Variants in VWF observed in about 807,000 individuals in gnomAD.
VWF encodes the protein von Willebrand factor.
In VWF, 176 loss-of-function variants were observed where a neutral mutation model predicts 308.6. The observed-to-expected ratio is 0.57, with a 90% CI of 0.50 to 0.65. VWF has a LOEUF of 0.65. Among genes scored for constraint, VWF ranks in the 30% least tolerant of loss-of-function variants. The probability of loss-of-function intolerance (pLI) is 0.00; values close to 1 mark genes in which losing one functional copy is unlikely to be tolerated. For missense variants in VWF, 3,146 were observed against 3,648.2 expected, an observed-to-expected ratio of 0.86 and a Z score of 3.55; for synonymous variants, 1,385 against 1,443.4, an observed-to-expected ratio of 0.96 and a Z score of 0.92.
rs1234672126 is a variant in VWF at position 5,970,020 on chromosome 12, G to A, written c.7549-629C>T. Among the ~76,000 whole-genome samples the A allele has an allele frequency of 2.0e-5, 3 of 152,196 alleles. No individual in the cohort carries two copies. The East Asian group carries it at 5.8e-4, about 29-fold the overall frequency. The stretch of plus-strand genomic sequence containing the variant: ...CCAGATATGTAACTAGGTGCCCTCT[G>A]CCGCCATCTCAGGCCCTGACCTACT... On this transcript the variant is annotated intron_variant, in intron 44 of 51. Coordinates refer to ENST00000261405, the MANE Select transcript of VWF (RefSeq NM_000552.5).
At chr12:6,033,388 G>A (rs185546117) in intron 20 of VWF, among the ~76,000 whole-genome samples, 23 of 152,356 alleles carry the variant, frequency 1.5e-4, no homozygotes, top group Admixed American at 1.4e-3. Context: ...CTTTAAAACT[G>A]GTCCACTTGG....
At chr12:6,103,504 GTATA>G (rs200273814) in intron 5 of VWF, among the ~76,000 whole-genome samples, 1 of 103,868 alleles carries the variant, frequency 9.6e-6, no homozygotes, top group African/African-American at 6.4e-5. Flanking sequence ...ATACACACAC[GTATA>G]TATATACACA....
intron 49 of VWF, 199 bp downstream of exon 49, chr12:5,952,192 T>C: frequency 1.3e-6 from 1 of 796,464 alleles, no homozygotes. Flanking sequence ...AAGGAAAATA[T>C]TTTTTTAAAA....
At chr12:5,968,008 G>C in intron 46 of VWF, 119 bp downstream of exon 46, 5 of 1,400,050 alleles carry the variant, frequency 3.6e-6, no homozygotes, top group Non-Finnish European at 5.0e-6. Context: ...TGGAAAGCTG[G>C]GGTTGGGTCT....
chr12:6,013,351 T>TA (rs1303324143), intron 32 of VWF, 130 bp downstream of exon 32: 1 of 1,157,040 alleles, frequency 8.6e-7, no homozygotes, highest in Non-Finnish European at 1.3e-6. Context: ...GTCTATATAA[T>TA]AATCTTCATT....
intron 34 of VWF, among the ~76,000 whole-genome samples, chr12:6,007,213 T>A (rs1196426731): frequency 6.6e-6 from 1 of 152,146 alleles, no homozygotes; most frequent in Admixed American, 6.5e-5. Context: ...CAAACAACAC[T>A]ATGGCCCAAG....
chr12:5,964,083 G>A (rs1043096428), intron 47 of VWF, among the ~76,000 whole-genome samples: 25 of 152,176 alleles, frequency 1.6e-4, no homozygotes, highest in Middle Eastern at 3.4e-3. Context: ...TGGGCATGGC[G>A]GTGGGCGCCT....
Position 6,063,994 on chromosome 12 carries a change from C to A in VWF, c.1432+252G>T, listed in dbSNP as rs968934219. ...CCTCTCGGTTCCCTTTTCCCATCTA[C>A]ACTCTGTCCCAGGTCTAGAGCAACC... is the stretch of plus-strand genomic sequence containing the variant. On this transcript the variant is annotated intron_variant, in intron 12 of 51. Transcript: ENST00000261405. This position sits in a 1 kb window ranked among gnomAD's most constrained non-coding sequence, Gnocchi z 4.9. 9.8e-5 allele frequency among the ~76,000 whole-genome samples: 15 copies of A among 152,360 alleles called. No homozygotes were observed. The highest frequency in any genetic ancestry group is 7.3e-5 in the Non-Finnish European group (5 of 68,036).
chr12:5,956,621 G>A (rs1943253794), intron 47 of VWF, among the ~76,000 whole-genome samples: 1 of 148,730 alleles, frequency 6.7e-6, no homozygotes, highest in Admixed American at 6.7e-5. Flanking sequence ...CAGCCTGGGT[G>A]ACGAATGAGA....
At chr12:6,074,480 A>C in intron 7 of VWF, among the ~76,000 whole-genome samples, 2 of 128,968 alleles carry the variant, frequency 1.6e-5, no homozygotes, top group African/African-American at 6.7e-5. Flanking sequence ...CCCTACATTC[A>C]CAGACCTAAA....
chr12:6,053,841 A>G (rs909819158), intron 15 of VWF, among the ~76,000 whole-genome samples: 2 of 152,258 alleles, frequency 1.3e-5, no homozygotes, highest in East Asian at 3.8e-4. Flanking sequence ...ATTGCTAAGG[A>G]AACAGCCCCA....
At chr12:6,118,331 C>G (rs1474581761) in intron 3 of VWF, among the ~76,000 whole-genome samples, 5 of 151,484 alleles carry the variant, frequency 3.3e-5, no homozygotes, top group Admixed American at 1.3e-4. Context: ...CACCCGCCCC[C>G]ACCCCGGGCA....
At chr12:5,982,465 C>T (rs985038025) in intron 41 of VWF, among the ~76,000 whole-genome samples, 1 of 152,138 alleles carries the variant, frequency 6.6e-6, no homozygotes. Flanking sequence ...GAAAGATTGC[C>T]AGCAATCTTG....
intron 6 of VWF, among the ~76,000 whole-genome samples, chr12:6,087,713 C>T (rs1377845907): frequency 1.3e-5 from 2 of 151,988 alleles, no homozygotes; most frequent in Non-Finnish European, 2.9e-5. Context: ...TCTACCCAGA[C>T]ACAGTTTGTG....
chr12:6,036,281 G>A, intron 19 of VWF, 107 bp downstream of exon 19: 2 of 920,294 alleles, frequency 2.2e-6, no homozygotes, highest in South Asian at 2.7e-5. Context: ...GAGTAACCAG[G>A]TTCCCACAGG....
Position 5,981,868 on chromosome 12 carries a change from G to A in VWF, c.7205C>T (p.Thr2402Ile). ...YECACNCVNS[T>I]VSCPLGYLAS... ...CAAGTACCCAAGGGGACAGCTCACT[G>A]TGGAGTTGACACAGTTGCAGGCACA... Residue 2402 changes from threonine (T) to isoleucine (I), a missense_variant, in exon 42 of 52, where the codon ACA (threonine) becomes ATA (isoleucine). Thr to Ile is a moderately conservative substitution (Grantham distance 89). Around this residue, in one of 3 missense-constraint regions of VWF, gnomAD observed 989 missense variants for 1,117.4 expected, o/e 0.89. Transcript: ENST00000261405. 6.2e-7 allele frequency: 1 copy of A among 1,614,010 alleles called. No homozygotes were observed. Among genetic ancestry groups the A allele is most frequent in the Non-Finnish European group, 8.5e-7 (1 of 1,180,000 alleles).
chr12:6,109,155 G>A (rs1189837176), intron 5 of VWF, among the ~76,000 whole-genome samples: 1 of 151,922 alleles, frequency 6.6e-6, no homozygotes, highest in Non-Finnish European at 1.5e-5. Context: ...TGAGGCAAGA[G>A]GATTCCTTGA....
rs112978778 is a variant in VWF at position 5,983,149 on chromosome 12, C to T, written c.7081+1G>A. The T allele has an allele frequency of 6.2e-7, 1 of 1,613,390 alleles. No homozygotes were observed. Among genetic ancestry groups the T allele is most frequent in the Non-Finnish European group, 8.5e-7 (1 of 1,179,684 alleles). On this transcript the variant is annotated splice_donor_variant, in intron 41 of 51. Coordinates refer to ENST00000261405, the MANE Select transcript of VWF (RefSeq NM_000552.5). LOFTEE classifies it high-confidence loss of function. ...CCCCTCCTCATCCACAGAGGCCTTA[C>T]CGCAGGTGAAGTTGGGTCTGCACTC...
At chr12:6,072,153 G>A (rs542066320) in intron 9 of VWF, among the ~76,000 whole-genome samples, 178 bp downstream of exon 9, 2 of 152,172 alleles carry the variant, frequency 1.3e-5, no homozygotes, top group East Asian at 3.9e-4. Context: ...TATACTCTTT[G>A]CTCCCCATCA....
Sources: allele counts gnomAD v4.1 joint callset (sites outside exome capture counted in the v4.1 genomes callset), GRCh38; gene constraint gnomAD v4.1.1; regional missense constraint gnomAD v4.1.1; non-coding constraint Gnocchi (gnomAD v3.1); transcripts MANE v1.5; gene names NCBI Gene and HGNC (gene_info 2026-07-23, HGNC 2026-07-21).